The following FCHO2 variants were observed in gnomAD, a reference collection of about 807,000 sequenced individuals.
FCHO2 encodes FCH and mu domain containing endocytic adaptor 2.
A neutral mutation model predicts 114.1 loss-of-function variants in FCHO2; 43 were observed. The ratio of observed to expected loss-of-function variants is 0.38; its 90% confidence interval spans 0.30 to 0.49. The LOEUF (loss-of-function observed/expected upper bound fraction) is 0.49. FCHO2 is among the 20% of genes least tolerant of loss of function. FCHO2 has a pLI of 0.97. For missense variants in FCHO2, 807 were observed against 950.4 expected (o/e 0.85, Z 1.98); for synonymous variants, 293 against 315.2 (o/e 0.93, Z 0.75).
chr5:72,956,108 G>C lies in FCHO2; in HGVS notation c.12G>C (p.Ala4=), dbSNP rs1751514982. 5.2e-6 allele frequency: 8 copies of C among 1,542,168 alleles called. No homozygotes were observed. Among genetic ancestry groups the C allele is most frequent in the Non-Finnish European group, 7.0e-6 (8 of 1,143,302 alleles). MVM[A]YFVENFWGEK... ...GCGGCGGCGGCACGATGGTCATGGC[G>C]TATTTCGTCGAGAATTTTTGGGTAA... Residue 4 remains alanine, a synonymous_variant, in exon 1 of 26, where the codon GCG becomes GCC. Coordinates refer to ENST00000430046, the MANE Select transcript of FCHO2 (RefSeq NM_138782.3).
intron 10 of FCHO2, among the ~76,000 whole-genome samples, chr5:73,038,746 T>C (rs915483536): frequency 6.6e-6 from 1 of 152,216 alleles, no homozygotes; most frequent in African/African-American, 2.4e-5. Context: ...TCTATAGTTA[T>C]CAAATCTTCT....
Position 73,017,241 on chromosome 5 carries a change from T to G in FCHO2, c.729T>G (p.Ala243=). Residue 243 remains alanine, a synonymous_variant, in exon 8 of 26, where the codon GCT becomes GCG. Coordinates refer to ENST00000430046, the MANE Select transcript of FCHO2 (RefSeq NM_138782.3). ...QVHEEFINNM[A]NTTVESLIQK... is the part of the protein sequence containing the mutation. Reference sequence around the variant, plus strand: ...ATGAAGAATTTATAAATAACATGGCTAATACTACAGTTGAAAGTTTGATAC... The same window carrying G: ...ATGAAGAATTTATAAATAACATGGCGAATACTACAGTTGAAAGTTTGATAC... 6.4e-7 allele frequency: 1 copy of G among 1,555,630 alleles called. No homozygotes were observed. The highest frequency in any genetic ancestry group is 8.7e-7 in the Non-Finnish European group (1 of 1,149,056).
rs1442326429 is a variant in FCHO2, at chr5:73,017,459, AAC to A, written c.796+152_796+153del. Among the ~76,000 whole-genome samples, 28 of 152,224 alleles carry A rather than the reference AAC, an allele frequency of 1.8e-4. 1 individual carries two copies. The highest frequency in any genetic ancestry group is 1.5e-5 in the Non-Finnish European group (1 of 68,034). ...TATTTCCAAACTGTGAAATGGAGCC[AAC>A]CCAAAAAATGGAGTATACCTAAAAA... On this transcript the variant is annotated intron_variant, in intron 8 of 25. Transcript: ENST00000430046.
In FCHO2 at chr5:72,967,873, G is replaced by A. The variant is rs542011913; in HGVS notation, c.34-625G>A. On this transcript the variant is annotated intron_variant, in intron 1 of 25. Transcript: ENST00000430046. Reference sequence around the variant, plus strand: ...GACCTCAAGTGATCCGCCTGCCTCCGCCTCCCAAAATGCTGGGATTACAGG... The same window carrying A: ...GACCTCAAGTGATCCGCCTGCCTCCACCTCCCAAAATGCTGGGATTACAGG... 7.9e-5 allele frequency among the ~76,000 whole-genome samples: 12 copies of A among 151,464 alleles called. No individual in the cohort carries two copies. The South Asian group carries it at 2.1e-3, about 26-fold the overall frequency.
intron 1 of FCHO2, among the ~76,000 whole-genome samples, chr5:72,964,433 T>C (rs561519731): frequency 3.3e-4 from 51 of 152,316 alleles, no homozygotes; most frequent in African/African-American, 1.2e-3. Flanking sequence ...TTGCTCAGGC[T>C]GGAGTGCAGT....
intron 8 of FCHO2, among the ~76,000 whole-genome samples, chr5:73,028,670 G>A (rs1271530725): frequency 5.4e-5 from 3 of 55,906 alleles, no homozygotes; most frequent in South Asian, 5.9e-4. Flanking sequence ...TTTTTTTTGT[G>A]ACAAGAGTCT....
intron 25 of FCHO2, 141 bp downstream of exon 25, chr5:73,087,894 GAC>G: frequency 7.3e-7 from 1 of 1,366,118 alleles, no homozygotes; most frequent in African/African-American, 1.4e-5. Context: ...GCCAGGTAGA[GAC>G]ACACCTGGGA....
At chr5:73,083,467 G>T (rs1229308979) in intron 24 of FCHO2, among the ~76,000 whole-genome samples, 2 of 152,130 alleles carry the variant, frequency 1.3e-5, no homozygotes, top group African/African-American at 4.8e-5. Flanking sequence ...TAAATTTAAA[G>T]AAATAGAACT....
At chr5:72,998,726 T>C (rs766316707) in intron 5 of FCHO2, among the ~76,000 whole-genome samples, 11 of 150,380 alleles carry the variant, frequency 7.3e-5, no homozygotes, top group Non-Finnish European at 1.6e-4. Flanking sequence ...ACTCAAAAAA[T>C]ATATGATGAC....
chr5:72,964,101 C>T (rs1258990050), intron 1 of FCHO2, among the ~76,000 whole-genome samples: 1 of 151,640 alleles, frequency 6.6e-6, no homozygotes, highest in Non-Finnish European at 1.5e-5. Context: ...ATTTATAGAA[C>T]ATTACAGAAA....
intron 2 of FCHO2, among the ~76,000 whole-genome samples, chr5:72,984,805 G>A (rs994834401): frequency 4.0e-5 from 6 of 151,788 alleles, no homozygotes; most frequent in African/African-American, 1.2e-4. Context: ...GCTAATTTTT[G>A]TATTTTTTTT....
chr5:73,055,981 GAT>G (rs959478145), intron 15 of FCHO2, 82 bp from the exon 16 acceptor site: 3 of 874,958 alleles, frequency 3.4e-6, no homozygotes, highest in Admixed American at 3.1e-5. Flanking sequence ...ATAGTGTTGA[GAT>G]ATGTGTATAG....
At chr5:73,013,358 T>C (rs1009014377) in intron 6 of FCHO2, among the ~76,000 whole-genome samples, 3 of 152,150 alleles carry the variant, frequency 2.0e-5, no homozygotes, top group East Asian at 1.9e-4. Flanking sequence ...ACATTAAATA[T>C]AGGGTCAGGG....
chr5:72,992,966 A>T (rs1421882180), intron 5 of FCHO2, among the ~76,000 whole-genome samples: 1 of 107,738 alleles, frequency 9.3e-6, no homozygotes, highest in Non-Finnish European at 2.1e-5. Context: ...AGGGCAAAAT[A>T]AAAAAAAAAA....
intron 13 of FCHO2, chr5:73,052,721 A>G (rs1229097446): frequency 2.2e-6 from 1 of 464,148 alleles, no homozygotes; most frequent in East Asian, 3.9e-5. Flanking sequence ...TATTTCTGCC[A>G]TTTGTTGCAT....
At chr5:73,001,448 CA>C (rs1215202339) in intron 5 of FCHO2, among the ~76,000 whole-genome samples, 18,826 of 65,934 alleles carry the variant, frequency 0.29, 735 homozygotes, top group East Asian at 0.41. Context: ...GATCCTGTCT[CA>C]AAAAAAAAAA....
chr5:73,084,416 C>T (rs1394487780), intron 24 of FCHO2, among the ~76,000 whole-genome samples: 6 of 152,130 alleles, frequency 3.9e-5, no homozygotes, highest in African/African-American at 7.2e-5. Flanking sequence ...CAGGCACCTA[C>T]CACCACATCC....
At chr5:73,044,130 C>T (rs1008308425) in intron 11 of FCHO2, among the ~76,000 whole-genome samples, 1 of 152,176 alleles carries the variant, frequency 6.6e-6, no homozygotes, top group African/African-American at 2.4e-5. Context: ...CTTTGCCTTC[C>T]GCCATGATTG....
chr5:72,993,404 G>GA (rs1443004249), intron 5 of FCHO2, among the ~76,000 whole-genome samples: 1 of 151,992 alleles, frequency 6.6e-6, no homozygotes. Context: ...ATTTCAGAAG[G>GA]AAAAAATGGA....
Sources: allele counts gnomAD v4.1 joint callset (sites outside exome capture counted in the v4.1 genomes callset), GRCh38; gene constraint gnomAD v4.1.1; transcripts MANE v1.5; gene names NCBI Gene and HGNC (gene_info 2026-07-23, HGNC 2026-07-21).